LRRC4C: variants seen among roughly 807,000 people sequenced by gnomAD.
LRRC4C encodes leucine rich repeat containing 4C.
LRRC4C carries 5 observed loss-of-function variants against 33.6 expected under a neutral mutation model. That is an observed-to-expected ratio of 0.15 (90% CI 0.08 to 0.31). The LOEUF (loss-of-function observed/expected upper bound fraction) is 0.31. Ranked by LOEUF, LRRC4C falls within the 10% of genes least tolerant of loss-of-function variation. The pLI is 1.00. For synonymous variants in LRRC4C, 329 were observed against 302.0 expected (o/e 1.09, Z -0.93); for missense variants, 560 against 796.7 (o/e 0.70, Z 3.58).
At chr11:40,350,688 G>A (rs1433650771) in intron 3 of LRRC4C, among the ~76,000 whole-genome samples, 1 of 151,948 alleles carries the variant, frequency 6.6e-6, no homozygotes, top group African/African-American at 2.4e-5. Context: ...TGGAAAGTAA[G>A]AACTTTTTAA....
At chr11:40,211,311 A>ATAACGAGAAAATAAGCTTCTCTGT (rs1219672216) in intron 5 of LRRC4C, among the ~76,000 whole-genome samples, 1 of 152,230 alleles carries the variant, frequency 6.6e-6, no homozygotes, top group Non-Finnish European at 1.5e-5. Context: ...TATTAAATAG[A>ATAACGAGAAAATAAGCTTCTCTGT]TAACGAGAAA....
At chr11:40,696,774 A>C (rs1392187401) in intron 2 of LRRC4C, among the ~76,000 whole-genome samples, 3 of 144,492 alleles carry the variant, frequency 2.1e-5, no homozygotes, top group Non-Finnish European at 3.0e-5. Flanking sequence ...ATATATATAT[A>C]TCTGAGTATA....
At chr11:40,157,116 A>G (rs1858763344) in intron 5 of LRRC4C, among the ~76,000 whole-genome samples, 1 of 151,926 alleles carries the variant, frequency 6.6e-6, no homozygotes, top group Non-Finnish European at 1.5e-5. Flanking sequence ...ACCCAGATAC[A>G]GCCAACTGAT....
At chr11:40,801,696 T>G (rs1454908679) in intron 2 of LRRC4C, among the ~76,000 whole-genome samples, 1 of 152,212 alleles carries the variant, frequency 6.6e-6, no homozygotes, top group East Asian at 1.9e-4. Context: ...CAATAGGTAT[T>G]ATTTCAAAAT....
intron 3 of LRRC4C, among the ~76,000 whole-genome samples, chr11:40,507,896 C>A (rs1955116659): frequency 6.6e-6 from 1 of 151,982 alleles, no homozygotes; most frequent in Non-Finnish European, 1.5e-5. Context: ...GGCACCACCA[C>A]ACCTGGTTAA....
chr11:40,731,677 A>G (rs1275011578), intron 2 of LRRC4C, among the ~76,000 whole-genome samples: 1 of 143,018 alleles, frequency 7.0e-6, no homozygotes, highest in East Asian at 1.9e-4. Context: ...TTCAAATTGA[A>G]TACAAACAAC....
intron 2 of LRRC4C, among the ~76,000 whole-genome samples, chr11:40,812,461 G>A (rs889230869): frequency 2.0e-5 from 3 of 152,182 alleles, no homozygotes; most frequent in South Asian, 2.1e-4. Context: ...TGATAAATTC[G>A]GCTTTAGAAA....
chr11:40,485,659 A>G (rs961674962), intron 3 of LRRC4C, among the ~76,000 whole-genome samples: 1 of 152,098 alleles, frequency 6.6e-6, no homozygotes, highest in Non-Finnish European at 1.5e-5. Flanking sequence ...TAATGGGTAT[A>G]TACCCGAAGG....
At chr11:41,018,349 C>G (rs1855734314) in intron 1 of LRRC4C, among the ~76,000 whole-genome samples, 1 of 152,044 alleles carries the variant, frequency 6.6e-6, no homozygotes, top group Non-Finnish European at 1.5e-5. Context: ...ATTTAAATTG[C>G]AAAACACAGC....
intron 3 of LRRC4C, among the ~76,000 whole-genome samples, chr11:40,351,031 CA>C: frequency 6.6e-6 from 1 of 151,968 alleles, no homozygotes. Flanking sequence ...CATCTGCAAA[CA>C]AAGATACTTT....
At position 40,428,874 on chromosome 11, in the gene LRRC4C, A is replaced by G. The variant is rs569136774; in HGVS notation, c.-269-109153T>C. On this transcript the variant is annotated intron_variant, in intron 3 of 6. Transcript: ENST00000528697. Reference sequence around the variant, plus strand: ...CAATTTAAGAGCTCTGTTCCCATATACTTAAAAGGGCTTGAAGTCAGGAGT... The same window carrying G: ...CAATTTAAGAGCTCTGTTCCCATATGCTTAAAAGGGCTTGAAGTCAGGAGT... Among the ~76,000 whole-genome samples the G allele has an allele frequency of 7.2e-5, 11 of 152,322 alleles. No individual in the cohort carries two copies. In the East Asian group the frequency reaches 1.9e-3, roughly 27 times the overall value.
At chr11:40,678,189 C>CA (rs1418589223) in intron 2 of LRRC4C, among the ~76,000 whole-genome samples, 1 of 151,492 alleles carries the variant, frequency 6.6e-6, no homozygotes, top group Non-Finnish European at 1.5e-5. Context: ...TGGTTTGTTA[C>CA]AAAGGTATAT....
intron 3 of LRRC4C, among the ~76,000 whole-genome samples, chr11:40,364,933 T>C (rs1189785041): frequency 6.6e-6 from 1 of 151,816 alleles, no homozygotes; most frequent in African/African-American, 2.4e-5. Context: ...AAAAAAAACC[T>C]GTTAACCTAG....
At chr11:40,495,705 ATC>A (rs1334254319) in intron 3 of LRRC4C, among the ~76,000 whole-genome samples, 1 of 151,680 alleles carries the variant, frequency 6.6e-6, no homozygotes, top group African/African-American at 2.4e-5. Flanking sequence ...GGGTGAAAGA[ATC>A]TCTTAGTCTC....
In LRRC4C at chr11:41,406,706, C is replaced by CCACACA. The variant is rs112867786; in HGVS notation, c.-496+52719_-496+52724dup. Among the ~76,000 whole-genome samples, 1,347 of 138,270 alleles carry CCACACA rather than the reference C, an allele frequency of 9.7e-3. 17 individuals are homozygous for CCACACA. The highest frequency in any genetic ancestry group is 0.024 in the South Asian group (98 of 4,090). 90.7% of individuals were successfully genotyped at this position (138,270 alleles called of 152,430 possible). On this transcript the variant is annotated intron_variant, in intron 1 of 6. Coordinates refer to ENST00000528697, the MANE Select transcript of LRRC4C (RefSeq NM_001258419.2). ...CTCTTTCCTCTCCCCTACACATTCA[C>CCACACA]CACACACACACACACACACACACAC... is the stretch of plus-strand genomic sequence containing the variant.
intron 3 of LRRC4C, among the ~76,000 whole-genome samples, chr11:40,385,593 C>T (rs144830707): frequency 1.4e-4 from 22 of 151,830 alleles, no homozygotes; most frequent in Non-Finnish European, 2.9e-4. Context: ...AGGCTGGGTG[C>T]GGTAGTGGCT....
intron 1 of LRRC4C, among the ~76,000 whole-genome samples, chr11:41,388,354 A>G (rs1953445130): frequency 6.6e-6 from 1 of 151,880 alleles, no homozygotes; most frequent in Non-Finnish European, 1.5e-5. Flanking sequence ...CTAGAGCTGT[A>G]TAATTTGGAT....
chr11:40,343,825 C>G lies in LRRC4C; in HGVS notation c.-269-24104G>C, dbSNP rs1306618844. On this transcript the variant is annotated intron_variant, in intron 3 of 6. Coordinates refer to ENST00000528697, the MANE Select transcript of LRRC4C (RefSeq NM_001258419.2). ...AGAAATGGCAAAGGGGTCATTACCA[C>G]TGATGCCATAGAAATACAAAAAGGT... 9.2e-5 allele frequency among the ~76,000 whole-genome samples: 14 copies of G among 151,478 alleles called. No individual in the cohort carries two copies. The East Asian group carries it at 1.6e-3, about 17-fold the overall frequency.
intron 3 of LRRC4C, among the ~76,000 whole-genome samples, chr11:40,576,780 T>C (rs959547142): frequency 6.6e-6 from 1 of 152,202 alleles, no homozygotes; most frequent in African/African-American, 2.4e-5. Flanking sequence ...TTAATCTCTC[T>C]TGTTTGAAGG....
Sources: gnomAD v4.1 joint callset for allele counts (sites outside exome capture counted in the v4.1 genomes callset) on GRCh38, gnomAD v4.1.1 for gene constraint, MANE v1.5 for transcripts, NCBI Gene and HGNC (gene_info 2026-07-23, HGNC 2026-07-21) for gene names.